The following HIBADH variants were observed in gnomAD, a reference collection of about 807,000 sequenced individuals.
The protein encoded by HIBADH is 3-hydroxyisobutyrate dehydrogenase, mitochondrial.
HIBADH carries 25 observed loss-of-function variants against 36.1 expected under a neutral mutation model. The observed-to-expected ratio is 0.69, with a 90% CI of 0.50 to 0.97. HIBADH has a LOEUF of 0.97. Ranked by LOEUF, HIBADH falls within the 50% of genes least tolerant of loss-of-function variation. HIBADH has a pLI of 0.00. For missense variants in HIBADH, 421 were observed against 418.0 expected (o/e 1.01, Z -0.06); for synonymous variants, 160 against 149.5 (o/e 1.07, Z -0.51).
At chr7:27,546,878 G>A (rs1202587739) in intron 4 of HIBADH, among the ~76,000 whole-genome samples, 1 of 152,090 alleles carries the variant, frequency 6.6e-6, no homozygotes, top group Non-Finnish European at 1.5e-5. Flanking sequence ...CTGAGCTACA[G>A]GTAACTCCTG....
At chr7:27,569,511 T>A (rs1784598993) in intron 4 of HIBADH, among the ~76,000 whole-genome samples, 1 of 152,216 alleles carries the variant, frequency 6.6e-6, no homozygotes, top group South Asian at 2.1e-4. Context: ...CTGGGTGGGC[T>A]ATCTATCCCA....
intron 2 of HIBADH, among the ~76,000 whole-genome samples, chr7:27,634,682 CT>C: frequency 6.6e-6 from 1 of 152,330 alleles, no homozygotes; most frequent in Middle Eastern, 3.4e-3. Context: ...TTAATTTCAA[CT>C]CTCTCTTAGG....
At chr7:27,565,302 T>C (rs1407544573) in intron 4 of HIBADH, among the ~76,000 whole-genome samples, 1 of 152,204 alleles carries the variant, frequency 6.6e-6, no homozygotes, top group African/African-American at 2.4e-5. Flanking sequence ...CTGTTCCTTC[T>C]GCCTCCTGAT....
chr7:27,540,069 C>G (rs1784126465), intron 5 of HIBADH, among the ~76,000 whole-genome samples: 1 of 151,862 alleles, frequency 6.6e-6, no homozygotes, highest in African/African-American at 2.4e-5. Flanking sequence ...CAGGCACACT[C>G]CGGATAACTT....
At chr7:27,641,804 A>C (rs1224561108) in intron 2 of HIBADH, among the ~76,000 whole-genome samples, 1 of 150,726 alleles carries the variant, frequency 6.6e-6, no homozygotes, top group Non-Finnish European at 1.5e-5. Context: ...TGCCCTCAGG[A>C]CCAAAGCTTT....
In HIBADH at chr7:27,630,068, T is replaced by C. The variant is rs941808555; in HGVS notation, c.363-576A>G. 4.6e-5 allele frequency among the ~76,000 whole-genome samples: 7 copies of C among 152,250 alleles called. No homozygotes were observed. In the South Asian group the frequency reaches 8.3e-4, roughly 18 times the overall value. Reference sequence around the variant, plus strand: ...TATCAAGCAGGTAGAAAGGAAAATATATGAAAGAATCTGGAAATCTCACAG... The same window carrying C: ...TATCAAGCAGGTAGAAAGGAAAATACATGAAAGAATCTGGAAATCTCACAG... On this transcript the variant is annotated intron_variant, in intron 3 of 7. Coordinates refer to ENST00000265395, the MANE Select transcript of HIBADH (RefSeq NM_152740.4).
chr7:27,592,635 C>A (rs1205799237), intron 4 of HIBADH, among the ~76,000 whole-genome samples: 1 of 152,048 alleles, frequency 6.6e-6, no homozygotes, highest in Non-Finnish European at 1.5e-5. Context: ...AAACATGCGA[C>A]AACTTTTCTC....
intron 1 of HIBADH, among the ~76,000 whole-genome samples, chr7:27,652,246 G>A (rs757024368): frequency 4.6e-5 from 7 of 152,082 alleles, no homozygotes; most frequent in Non-Finnish European, 7.4e-5. Flanking sequence ...TGTAAACATT[G>A]TATGATACTG....
chr7:27,625,988 G>C (rs756265115), intron 4 of HIBADH, among the ~76,000 whole-genome samples: 1 of 151,308 alleles, frequency 6.6e-6, no homozygotes. Context: ...TGTAATCTCA[G>C]CTACTCGGGA....
At chr7:27,598,956 GA>G (rs140902004) in intron 4 of HIBADH, among the ~76,000 whole-genome samples, 6 of 143,996 alleles carry the variant, frequency 4.2e-5, no homozygotes, top group Non-Finnish European at 6.1e-5. Context: ...AGTGAGCACT[GA>G]AAAAAAAAAG....
chr7:27,638,582 A>G (rs1785899728), intron 2 of HIBADH, among the ~76,000 whole-genome samples: 1 of 152,126 alleles, frequency 6.6e-6, no homozygotes, highest in Non-Finnish European at 1.5e-5. Context: ...CAAAAACAAA[A>G]ATTGACAAAT....
rs1218727476 is a variant in HIBADH at position 27,649,578 on chromosome 7, G to A, written c.147C>T (p.Asn49=). ...KTPVGFIGLG[N]MGNPMAKNLM... ...GATTTTTTGCCATTGGATTCCCCATGTTGCCCAGTCCAATGAATCCAACTG... is the reference window on the plus strand; with the variant it reads ...GATTTTTTGCCATTGGATTCCCCATATTGCCCAGTCCAATGAATCCAACTG... The change falls in exon 2 of 8, where the codon AAC becomes AAT. Residue 49 remains asparagine (N), a synonymous_variant. Transcript: ENST00000265395. The A allele has an allele frequency of 1.9e-6, 3 of 1,613,756 alleles. No individual in the cohort carries two copies. Among genetic ancestry groups the A allele is most frequent in the Non-Finnish European group, 2.5e-6 (3 of 1,179,818 alleles).
Position 27,658,818 on chromosome 7 carries a change from A to G in HIBADH, c.91+3880T>C, listed in dbSNP as rs151275074. On this transcript the variant is annotated intron_variant, in intron 1 of 7. Transcript: ENST00000265395. ...TATATCTATTTTATCACATAATACT[A>G]CGTCATAAGCACTCTATCTGCTTTA... 5.6e-3 allele frequency among the ~76,000 whole-genome samples: 853 copies of G among 152,298 alleles called. 5 individuals are homozygous for G. The highest frequency in any genetic ancestry group is 0.02 in the African/African-American group (811 of 41,570).
chr7:27,579,506 A>G (rs1784759762), intron 4 of HIBADH, among the ~76,000 whole-genome samples: 2 of 152,210 alleles, frequency 1.3e-5, no homozygotes, highest in South Asian at 4.1e-4. Flanking sequence ...CCCAAATACC[A>G]ATGAAGGTAG....
At chr7:27,578,162 A>G (rs1412161156) in intron 4 of HIBADH, among the ~76,000 whole-genome samples, 1 of 152,214 alleles carries the variant, frequency 6.6e-6, no homozygotes, top group Admixed American at 6.5e-5. Flanking sequence ...AGCTGAAGAC[A>G]TTACTTAAGC....
intron 4 of HIBADH, among the ~76,000 whole-genome samples, chr7:27,575,188 A>T (rs1784689697): frequency 6.6e-6 from 1 of 152,238 alleles, no homozygotes; most frequent in Non-Finnish European, 1.5e-5. Context: ...TTTATTTGTC[A>T]AGAATCTCTG....
At chr7:27,637,839 T>G (rs1028265465) in intron 2 of HIBADH, among the ~76,000 whole-genome samples, 1 of 151,878 alleles carries the variant, frequency 6.6e-6, no homozygotes, top group Non-Finnish European at 1.5e-5. Context: ...CCATTCACAA[T>G]AGCCACAAAA....
intron 4 of HIBADH, among the ~76,000 whole-genome samples, chr7:27,628,928 T>A (rs545404139): frequency 6.6e-6 from 1 of 152,220 alleles, no homozygotes; most frequent in African/African-American, 2.4e-5. Context: ...CGTATAAAAT[T>A]TAGATGATCT....
chr7:27,625,182 C>A (rs577079744), intron 4 of HIBADH, among the ~76,000 whole-genome samples: 1 of 152,216 alleles, frequency 6.6e-6, no homozygotes, highest in South Asian at 2.1e-4. Flanking sequence ...TGTGTCAAAC[C>A]GCAAACCCTG....
Sources: allele counts gnomAD v4.1 joint callset (sites outside exome capture counted in the v4.1 genomes callset), GRCh38; gene constraint gnomAD v4.1.1; transcripts MANE v1.5; gene names NCBI Gene and HGNC (gene_info 2026-07-23, HGNC 2026-07-21).